The following POLD3 variants were observed in gnomAD, a reference collection of about 807,000 sequenced individuals.
POLD3 encodes the protein DNA polymerase delta 3, accessory subunit.
In POLD3, 19 loss-of-function variants were observed where a neutral mutation model predicts 58.2. That is an observed-to-expected ratio of 0.33 (90% CI 0.23 to 0.48). POLD3 has a LOEUF of 0.48. Ranked by LOEUF, POLD3 falls within the 20% of genes least tolerant of loss-of-function variation. POLD3 has a pLI of 0.99. For missense variants in POLD3, 504 were observed against 545.5 expected (o/e 0.92, Z 0.76); for synonymous variants, 172 against 193.5 (o/e 0.89, Z 0.92).
intron 4 of POLD3, among the ~76,000 whole-genome samples, chr11:74,668,316 A>G (rs2033297418): frequency 6.6e-6 from 1 of 152,338 alleles, no homozygotes; most frequent in East Asian, 1.9e-4. Flanking sequence ...AAAAATGGAA[A>G]CAAGCCATAT....
intron 2 of POLD3, among the ~76,000 whole-genome samples, chr11:74,598,052 G>T (rs1303084018): frequency 6.6e-6 from 1 of 152,060 alleles, no homozygotes; most frequent in Non-Finnish European, 1.5e-5. Context: ...GGGTGACAGA[G>T]CAAGAACCTA....
chr11:74,646,994 TC>T (rs1455475875), downstream of POLD3, among the ~76,000 whole-genome samples: 1 of 152,240 alleles, frequency 6.6e-6, no homozygotes, highest in Non-Finnish European at 1.5e-5. Context: ...GTGAAACTGT[TC>T]CACCTCAGAT....
rs1406529922 is a variant in POLD3 at position 74,657,372 on chromosome 11, A to AAT, written c.370-11404_370-11403dup. 2.6e-5 allele frequency among the ~76,000 whole-genome samples: 4 copies of AAT among 151,898 alleles called. No homozygotes were observed. In the East Asian group the frequency reaches 7.7e-4, roughly 29 times the overall value. On this transcript the variant is annotated intron_variant, in intron 4 of 4. Coordinates refer to the POLD3 transcript ENST00000524752. ...TTCCTGTCTTCCTTTTAGTGAAGGT[A>AAT]ATCTTCTCTGGTGTTATGACTTAAT... is the stretch of plus-strand genomic sequence containing the variant.
At chr11:74,636,390 C>A (rs1427592649) in intron 11 of POLD3, 115 bp downstream of exon 11, 2 of 900,718 alleles carry the variant, frequency 2.2e-6, no homozygotes, top group African/African-American at 1.7e-5. Flanking sequence ...GTGAATCATG[C>A]CCAAGTGGTA....
Position 74,618,645 on chromosome 11 carries a change from A to C in POLD3, c.501A>C (p.Gln167His). Residue 167 changes from glutamine (Q) to histidine (H), a missense_variant, in exon 6 of 12, where the codon CAA (glutamine) becomes CAC (histidine). Physicochemically the swap from Gln to His is conservative, Grantham distance 24 (BLOSUM62 0). Transcript: ENST00000263681. The part of the protein sequence containing the change: ...QSHLHMSSET[Q>H]ANNELTTNGH... The stretch of plus-strand genomic sequence containing the variant: ...ATCTTCACATGTCAAGTGAGACACA[A>C]GCCAACAATGAGCTGACCACCAATG... The C allele has an allele frequency of 6.2e-7, 1 of 1,614,210 alleles. No homozygotes were observed. Among genetic ancestry groups the C allele is most frequent in the Non-Finnish European group, 8.5e-7 (1 of 1,180,026 alleles).
At chr11:74,635,491 A>T (rs895911105) in intron 10 of POLD3, among the ~76,000 whole-genome samples, 5 of 152,162 alleles carry the variant, frequency 3.3e-5, no homozygotes, top group Non-Finnish European at 7.3e-5. Flanking sequence ...GGAGTTTGAG[A>T]CCTGGGCAAC....
intron 3 of POLD3, among the ~76,000 whole-genome samples, chr11:74,608,256 C>T (rs2031764596): frequency 6.6e-6 from 1 of 152,186 alleles, no homozygotes; most frequent in Non-Finnish European, 1.5e-5. Flanking sequence ...GCTGGGACTG[C>T]AGACATGCAC....
chr11:74,629,997 A>G (rs1362407095), intron 9 of POLD3, among the ~76,000 whole-genome samples: 4 of 152,206 alleles, frequency 2.6e-5, no homozygotes, highest in Admixed American at 2.0e-4. Flanking sequence ...TTTGAGACAC[A>G]GTGGTGAAAA....
intron 4 of POLD3, among the ~76,000 whole-genome samples, chr11:74,653,601 A>G (rs1004556852): frequency 5.3e-5 from 8 of 152,238 alleles, no homozygotes; most frequent in African/African-American, 1.7e-4. Flanking sequence ...GGAATACTAA[A>G]ATTACCAATG....
intron 3 of POLD3, among the ~76,000 whole-genome samples, chr11:74,605,961 G>A (rs2031661020): frequency 6.6e-6 from 1 of 152,172 alleles, no homozygotes; most frequent in Non-Finnish European, 1.5e-5. Flanking sequence ...GCATGCGCCT[G>A]TAGTCCCAGC....
At chr11:74,610,493 G>A (rs561157497) in intron 3 of POLD3, among the ~76,000 whole-genome samples, 1 of 152,238 alleles carries the variant, frequency 6.6e-6, no homozygotes, top group South Asian at 2.1e-4. Context: ...ACAGGCATGA[G>A]CAGCCACATC....
At chr11:74,650,850 CTGA>C (rs369192082) in intron 4 of POLD3, among the ~76,000 whole-genome samples, 107 of 152,326 alleles carry the variant, frequency 7.0e-4, no homozygotes, top group African/African-American at 2.5e-3. Flanking sequence ...GCTGCCGCTT[CTGA>C]TGATGTTGGC....
intron 3 of POLD3, among the ~76,000 whole-genome samples, chr11:74,607,979 C>T (rs1337646884): frequency 6.6e-6 from 1 of 152,122 alleles, no homozygotes; most frequent in African/African-American, 2.4e-5. Context: ...AACGTGAAAG[C>T]TTCCTTCAAA....
intron 3 of POLD3, among the ~76,000 whole-genome samples, chr11:74,609,372 A>ATATATTT (rs2031821525): frequency 2.6e-4 from 7 of 27,196 alleles, no homozygotes; most frequent in African/African-American, 1.3e-3. Flanking sequence ...ATATATATAT[A>ATATATTT]TTTTTTTTTT....
chr11:74,645,946 T>C (rs1450833966), downstream of POLD3, among the ~76,000 whole-genome samples: 2 of 151,790 alleles, frequency 1.3e-5, no homozygotes, highest in East Asian at 3.9e-4. Flanking sequence ...TGATGTTTTT[T>C]TTTTTTTTTT....
At chr11:74,617,458 G>T (rs1473413619) in intron 5 of POLD3, among the ~76,000 whole-genome samples, 3 of 152,210 alleles carry the variant, frequency 2.0e-5, no homozygotes, top group African/African-American at 7.2e-5. Flanking sequence ...CTGGAGCGCA[G>T]TAGTGTGATC....
rs1391624858 is a variant in POLD3, at chr11:74,618,708, G to A, written c.564G>A (p.Gln188=). ...CTGCATCCAAGCAGGTTTCCCAGCA[G>A]CCCAAAGGAATTATGGGAATGTTTG... is the stretch of plus-strand genomic sequence containing the variant. ...GPPASKQVSQ[Q]PKGIMGMFAS... Residue 188 remains glutamine, a synonymous_variant, in exon 6 of 12, where the codon CAG becomes CAA. Coordinates refer to ENST00000263681, the MANE Select transcript of POLD3 (RefSeq NM_006591.3). 1.9e-6 allele frequency: 3 copies of A among 1,614,074 alleles called. No individual in the cohort carries two copies. Among genetic ancestry groups the A allele is most frequent in the South Asian group, 2.2e-5 (2 of 91,082 alleles).
At chr11:74,599,676 T>G (rs1325397138) in intron 2 of POLD3, among the ~76,000 whole-genome samples, 1 of 152,072 alleles carries the variant, frequency 6.6e-6, no homozygotes, top group Non-Finnish European at 1.5e-5. Context: ...ACTGTTTTTT[T>G]TTAGCATTAT....
At position 74,592,683 on chromosome 11, in the gene POLD3, A is replaced by C; in HGVS notation, c.25A>C (p.Asn9His). The C allele has an allele frequency of 6.2e-7, 1 of 1,613,992 alleles. No individual in the cohort carries two copies. Among genetic ancestry groups the C allele is most frequent in the South Asian group, 1.1e-5 (1 of 91,072 alleles). MADQLYLE[N>H]IDEFVTDQNK... ...CATGGCGGACCAGCTTTATCTGGAA[A>C]ATATAGACGAGTTCGTCACGGACCA... is the stretch of plus-strand genomic sequence containing the variant. Residue 9 changes from asparagine to histidine, a missense_variant, in exon 1 of 12, where the codon AAT becomes CAT. Asn to His is a moderately conservative substitution (Grantham distance 68). Around this residue, in one of 2 missense-constraint regions of POLD3, gnomAD observed 119 missense variants for 175.0 expected, o/e 0.68. Coordinates refer to ENST00000263681, the MANE Select transcript of POLD3 (RefSeq NM_006591.3).
Sources: allele counts gnomAD v4.1 joint callset (sites outside exome capture counted in the v4.1 genomes callset), GRCh38; gene constraint gnomAD v4.1.1; regional missense constraint gnomAD v4.1.1; transcripts MANE v1.5; gene names NCBI Gene and HGNC (gene_info 2026-07-23, HGNC 2026-07-21).